ABCD2: variants seen among roughly 807,000 people sequenced by gnomAD.
ABCD2 encodes the protein ATP binding cassette subfamily D member 2.
ABCD2 carries 36 observed loss-of-function variants against 70.9 expected under a neutral mutation model. The ratio of observed to expected loss-of-function variants is 0.51; its 90% CI spans 0.39 to 0.67. ABCD2 has a LOEUF of 0.67. ABCD2 is among the 30% of genes least tolerant of loss of function. ABCD2 has a pLI of 0.00. For missense variants in ABCD2, 729 were observed against 890.2 expected (o/e 0.82, Z 2.30); for synonymous variants, 304 against 306.9 (o/e 0.99, Z 0.10).
chr12:39,593,043 A>G (rs1450841269), intron 6 of ABCD2, among the ~76,000 whole-genome samples: 3 of 152,184 alleles, frequency 2.0e-5, no homozygotes, highest in East Asian at 1.9e-4. Context: ...TGTCCTCCAT[A>G]GAGAAAAGAG....
At position 39,569,463 on chromosome 12, in the gene ABCD2, G is replaced by A. The variant is rs572922719; in HGVS notation, c.2003+4253C>T. Reference sequence around the variant, plus strand: ...TAATATCCTGGTGTGCCGTTTGCTAGGACTGTTGGAAAAGCGCAGTATTAG... The same window carrying A: ...TAATATCCTGGTGTGCCGTTTGCTAAGACTGTTGGAAAAGCGCAGTATTAG... On this transcript the variant is annotated intron_variant, in intron 9 of 9. Coordinates refer to ENST00000308666, the MANE Select transcript of ABCD2 (RefSeq NM_005164.4). Among the ~76,000 whole-genome samples, 230 of 152,320 alleles carry A rather than the reference G, an allele frequency of 1.5e-3. 1 individual carries two copies. Among genetic ancestry groups the A allele is most frequent in the Non-Finnish European group, 1.6e-3 (112 of 68,014 alleles).
At chr12:39,537,458 G>A in the ABCD2 span, among the ~76,000 whole-genome samples, 10 of 152,188 alleles carry the variant, frequency 6.6e-5, no homozygotes, top group Non-Finnish European at 1.0e-4. Flanking sequence ...AATGTTTAAA[G>A]TTAACTCATT....
At chr12:39,607,493 G>T in intron 3 of ABCD2, 106 bp downstream of exon 3, 3 of 911,144 alleles carry the variant, frequency 3.3e-6, no homozygotes, top group South Asian at 1.7e-5. Context: ...ATTTTTGGCA[G>T]AGAAAAGATA....
intron 7 of ABCD2, among the ~76,000 whole-genome samples, chr12:39,583,609 T>C (rs1299205669): frequency 6.6e-6 from 1 of 152,192 alleles, no homozygotes; most frequent in African/African-American, 2.4e-5. Context: ...ACATATTATT[T>C]CATCATCCAG....
chr12:39,595,927 T>TA (rs768052890), intron 6 of ABCD2, among the ~76,000 whole-genome samples: 50 of 152,210 alleles, frequency 3.3e-4, no homozygotes, highest in Non-Finnish European at 4.0e-4. Flanking sequence ...TAAAAAACCT[T>TA]AAAAAATTAA....
chr12:39,577,849 C>T (rs559752282), intron 8 of ABCD2, among the ~76,000 whole-genome samples: 85 of 152,096 alleles, frequency 5.6e-4, no homozygotes, highest in Middle Eastern at 3.4e-3. Flanking sequence ...TCAAGTGTAA[C>T]GAAACATTAG....
intron 6 of ABCD2, among the ~76,000 whole-genome samples, chr12:39,590,619 A>G (rs1941733016): frequency 6.6e-6 from 1 of 152,046 alleles, no homozygotes; most frequent in African/African-American, 2.4e-5. Context: ...CAATTATAAT[A>G]GTAAAATTAT....
intron 7 of ABCD2, 39 bp downstream of exon 7, chr12:39,586,113 G>C (rs770617917): frequency 8.4e-6 from 13 of 1,555,126 alleles, no homozygotes; most frequent in Non-Finnish European, 8.7e-6. Context: ...CTTTTTAAAA[G>C]TGAAGTTAAA....
intron 9 of ABCD2, among the ~76,000 whole-genome samples, chr12:39,562,805 T>C (rs975140842): frequency 4.6e-5 from 7 of 152,032 alleles, no homozygotes; most frequent in Non-Finnish European, 2.9e-5. Flanking sequence ...CCAAACTTAT[T>C]CTACAAGGCC....
intron 9 of ABCD2, among the ~76,000 whole-genome samples, chr12:39,569,595 C>T (rs1345704037): frequency 1.3e-5 from 2 of 152,198 alleles, no homozygotes; most frequent in African/African-American, 2.4e-5. Flanking sequence ...ATGCCTCGCC[C>T]TGCTTCGCCT....
chr12:39,586,381 C>T (rs1941667171), intron 6 of ABCD2, 84 bp from the exon 7 acceptor site: 2 of 1,381,318 alleles, frequency 1.4e-6, no homozygotes, highest in African/African-American at 1.4e-5. Context: ...CTGAAAACAT[C>T]AGTGAAGACT....
downstream of ABCD2, among the ~76,000 whole-genome samples, chr12:39,547,468 C>T (rs1357942054): frequency 2.6e-5 from 4 of 152,044 alleles, no homozygotes; most frequent in African/African-American, 9.7e-5. Context: ...ATGTACAGGA[C>T]TGTTATTCAG....
At chr12:39,617,215 A>T in intron 1 of ABCD2, 47 bp from the exon 2 acceptor site, 1 of 1,270,222 alleles carries the variant, frequency 7.9e-7, no homozygotes, top group East Asian at 2.7e-5. Flanking sequence ...AGATATATAC[A>T]TATTATTCTT....
At chr12:39,533,987 T>C in the ABCD2 span, among the ~76,000 whole-genome samples, 1 of 152,232 alleles carries the variant, frequency 6.6e-6, no homozygotes, top group African/African-American at 2.4e-5. Flanking sequence ...TAGTGTGCTT[T>C]GCAGAACCTG....
chr12:39,549,646 C>T (rs528321880), downstream of ABCD2, among the ~76,000 whole-genome samples: 27 of 151,940 alleles, frequency 1.8e-4, no homozygotes, highest in African/African-American at 6.0e-4. Flanking sequence ...AAAAGTGCAT[C>T]TATCTGTTTG....
intron 9 of ABCD2, among the ~76,000 whole-genome samples, chr12:39,569,503 G>A (rs1043142290): frequency 6.6e-6 from 1 of 152,148 alleles, no homozygotes; most frequent in East Asian, 1.9e-4. Flanking sequence ...GGAGTGACCC[G>A]ATTTTCCAGG....
intron 9 of ABCD2, among the ~76,000 whole-genome samples, chr12:39,555,054 A>AC (rs1290649053): frequency 2.0e-5 from 3 of 151,986 alleles, no homozygotes; most frequent in Non-Finnish European, 4.4e-5. Flanking sequence ...GAGATAATTC[A>AC]CATACCATAA....
intron 9 of ABCD2, among the ~76,000 whole-genome samples, chr12:39,561,898 A>C (rs1412695335): frequency 1.3e-5 from 2 of 152,174 alleles, no homozygotes; most frequent in Non-Finnish European, 1.5e-5. Flanking sequence ...ATTCTTCTCA[A>C]CTACACATGG....
chr12:39,538,167 C>CTTTTTT, the ABCD2 span, among the ~76,000 whole-genome samples: 6 of 142,824 alleles, frequency 4.2e-5, no homozygotes, highest in Admixed American at 6.9e-5. Context: ...CATTTTCTTT[C>CTTTTTT]TTTCTTTTTT....
Sources: gnomAD v4.1 joint callset for allele counts (sites outside exome capture counted in the v4.1 genomes callset) on GRCh38, gnomAD v4.1.1 for gene constraint, MANE v1.5 for transcripts, NCBI Gene and HGNC (gene_info 2026-07-23, HGNC 2026-07-21) for gene names.